IFFO1: variants seen among roughly 807,000 people sequenced by gnomAD.
IFFO1 encodes intermediate filament family orphan 1.
IFFO1 carries 42 observed loss-of-function variants against 59.6 expected under a neutral mutation model. That is an observed-to-expected ratio of 0.70 (90% CI 0.55 to 0.91). The LOEUF (loss-of-function observed/expected upper bound fraction) is 0.91. IFFO1 is among the 40% of genes least tolerant of loss of function. IFFO1 has a pLI of 0.00. For synonymous variants in IFFO1, 336 were observed against 342.8 expected, an observed-to-expected ratio of 0.98 and a Z score of 0.22; for missense variants, 711 against 793.2, an observed-to-expected ratio of 0.90 and a Z score of 1.24.
rs1947131458 is a variant in IFFO1 at position 6,549,371 on chromosome 12, A to G, written c.1080+105T>C. On this transcript the variant is annotated intron_variant, in intron 5 of 9. Transcript: ENST00000619571. This position sits in a 1 kb window ranked among gnomAD's most constrained non-coding sequence, Gnocchi z 5.0. ...AGGAAAAGGGAAAGGGCAGAAAAAA[A>G]TCCGTGCTCAAGAGCCCAGCGGGCC... 1.2e-5 allele frequency: 14 copies of G among 1,121,576 alleles called. No individual in the cohort carries two copies. The highest frequency in any genetic ancestry group is 2.6e-5 in the South Asian group (2 of 76,414). 69.5% of individuals were successfully genotyped at this position (1,121,576 alleles called of 1,614,324 possible). A position where few individuals can be genotyped will look rare whatever the true frequency, so the allele number is the denominator to read the frequency against.
At chr12:6,547,691 G>A (rs1371961088) in intron 8 of IFFO1, among the ~76,000 whole-genome samples, 2 of 148,468 alleles carry the variant, frequency 1.3e-5, no homozygotes, top group African/African-American at 5.0e-5. Context: ...AAAAAAGAAA[G>A]GACAGAAAGA....
At position 6,540,687 on chromosome 12, in the gene IFFO1, GA is replaced by G. The variant is rs1244956570; in HGVS notation, c.1611-100del. ...TGCCTCACCCTCTGGCAGCCCGTGAGAAGTACCGGAAGCGAGGGCGGGGCCG... is the reference window on the plus strand; with the variant it reads ...TGCCTCACCCTCTGGCAGCCCGTGAGAGTACCGGAAGCGAGGGCGGGGCCG... On this transcript the variant is annotated intron_variant, in intron 9 of 9. Coordinates refer to ENST00000619571, the MANE Select transcript of IFFO1 (RefSeq NM_001193457.2). The G allele has an allele frequency of 2.1e-5, 22 of 1,038,864 alleles. No homozygotes were observed. The Admixed American group carries it at 4.2e-4, about 20-fold the overall frequency. 64.4% of individuals were successfully genotyped at this position (1,038,864 alleles called of 1,614,324 possible). A position where few individuals can be genotyped will look rare whatever the true frequency, so the allele number is the denominator to read the frequency against.
chr12:6,545,698 G>A (rs78020584), intron 8 of IFFO1, among the ~76,000 whole-genome samples: 8 of 122,140 alleles, frequency 6.5e-5, no homozygotes, highest in Non-Finnish European at 1.2e-4. Flanking sequence ...ACTCCGTCTC[G>A]GAAAAAAAAA....
At chr12:6,542,339 C>T (rs1426998894) in intron 8 of IFFO1, among the ~76,000 whole-genome samples, 1 of 152,220 alleles carries the variant, frequency 6.6e-6, no homozygotes, top group Non-Finnish European at 1.5e-5. Flanking sequence ...CGGTCTCCCT[C>T]CCCGGGCCCA....
Position 6,539,969 on chromosome 12 carries a change from C to G in IFFO1, c.*514G>C. On this transcript the variant is annotated 3_prime_UTR_variant, in exon 10 of 10. Transcript: ENST00000619571. ...CCATAGCAGGGACAAGGTGCCCCGG[C>G]CAGCCCCAACGCCCTCTGCCGCTGA... is the stretch of plus-strand genomic sequence containing the variant. 1 of 171,122 alleles carries G rather than the reference C, an allele frequency of 5.8e-6. No individual in the cohort carries two copies. Among genetic ancestry groups the G allele is most frequent in the Non-Finnish European group, 1.3e-5 (1 of 77,932 alleles). 10.6% of individuals were successfully genotyped at this position (171,122 alleles called of 1,614,324 possible). A position where few individuals can be genotyped will look rare whatever the true frequency, so the allele number is the denominator to read the frequency against.
intron 1 of IFFO1, chr12:6,551,281 G>A (rs999668434): frequency 4.8e-5 from 30 of 631,180 alleles, no homozygotes; most frequent in Admixed American, 8.4e-5. Flanking sequence ...CTGAGGCTCC[G>A]GTCCTCCGTG....
chr12:6,548,360 G>A lies in IFFO1; in HGVS notation c.1383+65C>T, dbSNP rs552509244. ...GGGGGGACAGAGCAAGGAGAGGAGCGGGGGAGTGGGCTTCAGGCTGGAGAG... is the reference window on the plus strand; with the variant it reads ...GGGGGGACAGAGCAAGGAGAGGAGCAGGGGAGTGGGCTTCAGGCTGGAGAG... On this transcript the variant is annotated intron_variant, in intron 7 of 9. Coordinates refer to ENST00000619571, the MANE Select transcript of IFFO1 (RefSeq NM_001193457.2). The surrounding 1 kb of genome is among the most constrained non-coding windows in gnomAD (Gnocchi z 6.1). 1.2e-5 allele frequency: 19 copies of A among 1,553,600 alleles called. No homozygotes were observed. The highest frequency in any genetic ancestry group is 9.1e-5 in the Admixed American group (5 of 54,938).
intron 8 of IFFO1, chr12:6,544,674 G>A (rs1186788734): frequency 6.6e-6 from 1 of 152,136 alleles, no homozygotes; most frequent in Non-Finnish European, 1.5e-5. Context: ...TCCAAAAGAG[G>A]GAGACAAGAA....
chr12:6,548,434 G>A lies in IFFO1; in HGVS notation c.1374C>T (p.Ala458=), dbSNP rs1947070113. The A allele has an allele frequency of 6.2e-7, 1 of 1,611,900 alleles. No individual in the cohort carries two copies. Among genetic ancestry groups the A allele is most frequent in the East Asian group, 2.2e-5 (1 of 44,842 alleles). ...CGGGAGCAGAGGTTACCTCTCCCTG[G>A]GCCTCTGCAGCTGCCATGGCATAGC... ...FSGYAMAAAE[A]QGEQQEDSLE... is the part of the protein sequence containing the mutation. The change falls in exon 7 of 10, where the codon GCC becomes GCT. Residue 458 remains alanine, a synonymous_variant. Transcript: ENST00000619571. This position sits in a 1 kb window ranked among gnomAD's most constrained non-coding sequence, Gnocchi z 6.1.
At position 6,550,811 on chromosome 12, in the gene IFFO1, G is replaced by C. The variant is rs112892336; in HGVS notation, c.835-21C>G. Reference sequence around the variant, plus strand: ...GCTTCCTGCAGTTGGGAGAAACCCTGATGTTGGTGGCACTGCCGAGGTGGG... The same window carrying C: ...GCTTCCTGCAGTTGGGAGAAACCCTCATGTTGGTGGCACTGCCGAGGTGGG... On this transcript the variant is annotated intron_variant, in intron 2 of 9. Coordinates refer to ENST00000619571, the MANE Select transcript of IFFO1 (RefSeq NM_001193457.2). The C allele has an allele frequency of 2.5e-3, 4,023 of 1,611,354 alleles. 80 individuals are homozygous for C. In the African/African-American group the frequency reaches 0.047, roughly 19 times the overall value.
In IFFO1 at chr12:6,539,845, TCC is replaced by T. The variant is rs1354277806; in HGVS notation, c.*636_*637del. Reference sequence around the variant, plus strand: ...ACCTCCCTTCAAAACACTGTGCCCATCCCGGGCACTAAGGCCTCTTTAAAGCA... The same window carrying T: ...ACCTCCCTTCAAAACACTGTGCCCATCGGGCACTAAGGCCTCTTTAAAGCA... On this transcript the variant is annotated 3_prime_UTR_variant, in exon 10 of 10. Transcript: ENST00000619571. 1 of 154,808 alleles carries T rather than the reference TCC, an allele frequency of 6.5e-6. No homozygotes were observed. Among genetic ancestry groups the T allele is most frequent in the Non-Finnish European group, 1.4e-5 (1 of 69,588 alleles). 9.6% of individuals were successfully genotyped at this position (154,808 alleles called of 1,614,324 possible). A position where few individuals can be genotyped will look rare whatever the true frequency, so the allele number is the denominator to read the frequency against.
chr12:6,545,318 A>G (rs1260961590), intron 8 of IFFO1, among the ~76,000 whole-genome samples: 1 of 152,248 alleles, frequency 6.6e-6, no homozygotes, highest in African/African-American at 2.4e-5. Context: ...GTGAACCTTG[A>G]TCTGAAAATA....
chr12:6,552,928 G>T (rs1947293524), intron 1 of IFFO1, among the ~76,000 whole-genome samples: 1 of 152,078 alleles, frequency 6.6e-6, no homozygotes, highest in Non-Finnish European at 1.5e-5. Context: ...GTTCTGCATG[G>T]ACCAAATATC....
intron 1 of IFFO1, among the ~76,000 whole-genome samples, chr12:6,554,580 C>T (rs990177889): frequency 3.9e-5 from 6 of 152,202 alleles, no homozygotes; most frequent in African/African-American, 1.4e-4. Context: ...CCTGCTCAGT[C>T]CCCTGCTGGC....
Position 6,555,394 on chromosome 12 carries a change from A to G in IFFO1, c.636T>C (p.Thr212=). The G allele has an allele frequency of 6.2e-7, 1 of 1,613,976 alleles. No individual in the cohort carries two copies. The highest frequency in any genetic ancestry group is 8.5e-7 in the Non-Finnish European group (1 of 1,179,958). Residue 212 remains threonine, a synonymous_variant, in exon 1 of 10, where the codon ACT becomes ACC. Coordinates refer to ENST00000619571, the MANE Select transcript of IFFO1 (RefSeq NM_001193457.2). This position sits in a 1 kb window ranked among gnomAD's most constrained non-coding sequence, Gnocchi z 8.6. ...ACGACAAGCCAGGCCCTTGCACCAG[A>G]GTGGGCTCCAGTCCCGGCCCGAGCC... ...ARRLGPGLEP[T]LVQGPGLSWV...
downstream of IFFO1, chr12:6,539,227 G>GT: frequency 6.6e-6 from 1 of 152,416 alleles, no homozygotes; most frequent in Admixed American, 6.5e-5. Context: ...CAAGGTGGGT[G>GT]TATCACCTGA....
chr12:6,542,730 G>A (rs1946776657), intron 8 of IFFO1, among the ~76,000 whole-genome samples: 2 of 152,208 alleles, frequency 1.3e-5, no homozygotes, highest in African/African-American at 4.8e-5. Context: ...ACAGTAGTGG[G>A]AGGAGCAGGA....
intron 8 of IFFO1, among the ~76,000 whole-genome samples, chr12:6,544,142 A>T (rs1047125306): frequency 1.8e-4 from 27 of 151,430 alleles, no homozygotes; most frequent in African/African-American, 6.1e-4. Flanking sequence ...GGGAGAGAGG[A>T]GGAGTCAGAT....
chr12:6,555,831 G>A lies in IFFO1; in HGVS notation c.199C>T (p.Arg67Cys). 1.9e-6 allele frequency: 3 copies of A among 1,611,480 alleles called. No homozygotes were observed. Among genetic ancestry groups the A allele is most frequent in the Middle Eastern group, 1.7e-4 (1 of 5,942 alleles). The change falls in exon 1 of 10, where the codon CGC (arginine) becomes TGC (cysteine). Residue 67 changes from arginine (R) to cysteine (C), a missense_variant. Coordinates refer to ENST00000619571, the MANE Select transcript of IFFO1 (RefSeq NM_001193457.2). This position sits in a 1 kb window ranked among gnomAD's most constrained non-coding sequence, Gnocchi z 8.6. ...TTGATGTTGGAGCCCAGGTCATTGC[G>A]GAGGGCCATGGCGGCAGGCGGGGCC... is the stretch of plus-strand genomic sequence containing the variant. ...GPAPPAAMAL[R>C]NDLGSNINVL...
Sources: gnomAD v4.1 joint callset for allele counts (sites outside exome capture counted in the v4.1 genomes callset) on GRCh38, gnomAD v4.1.1 for gene constraint, Gnocchi (gnomAD v3.1) non-coding constraint, MANE v1.5 for transcripts, NCBI Gene and HGNC (gene_info 2026-07-23, HGNC 2026-07-21) for gene names.